ZDHHC14: variants seen among roughly 807,000 people sequenced by gnomAD.
ZDHHC14 encodes the protein palmitoyltransferase ZDHHC14.
Under a neutral mutation model 47.7 loss-of-function variants are expected in ZDHHC14, and 16 were observed. That is an observed-to-expected ratio of 0.34 (90% CI 0.23 to 0.51). ZDHHC14 has a LOEUF of 0.51. Ranked by LOEUF, ZDHHC14 falls within the 20% of genes least tolerant of loss-of-function variation. The pLI is 0.97. For synonymous variants in ZDHHC14, 293 were observed against 278.9 expected (o/e 1.05, Z -0.50); for missense variants, 515 against 662.5 (o/e 0.78, Z 2.44).
intron 1 of ZDHHC14, among the ~76,000 whole-genome samples, chr6:157,498,212 G>A (rs936022876): frequency 2.0e-5 from 3 of 151,918 alleles, no homozygotes; most frequent in South Asian, 2.1e-4. Flanking sequence ...TTAGGTGGGC[G>A]GATCTCTTAA....
intron 1 of ZDHHC14, among the ~76,000 whole-genome samples, chr6:157,412,331 C>T (rs1229986115): frequency 5.3e-5 from 8 of 151,762 alleles, no homozygotes; most frequent in Non-Finnish European, 1.0e-4. Flanking sequence ...CTCGCTGTGT[C>T]GCCCAGGCTG....
intron 3 of ZDHHC14, among the ~76,000 whole-genome samples, chr6:157,608,620 T>G (rs1321322781): frequency 6.6e-6 from 1 of 152,092 alleles, no homozygotes; most frequent in East Asian, 1.9e-4. Context: ...GTGGCTGACG[T>G]GGAGACTCAG....
intron 5 of ZDHHC14, among the ~76,000 whole-genome samples, chr6:157,639,366 G>A (rs1012397901): frequency 1.3e-5 from 2 of 152,152 alleles, no homozygotes; most frequent in South Asian, 2.1e-4. Flanking sequence ...ATGCAGTGGC[G>A]AGACCTCGGC....
intron 2 of ZDHHC14, among the ~76,000 whole-genome samples, chr6:157,570,617 A>G: frequency 6.6e-6 from 1 of 152,204 alleles, no homozygotes; most frequent in South Asian, 2.1e-4. Context: ...TGGAAAATAT[A>G]AGGTAGTCAT....
chr6:157,503,428 A>G (rs1015424507), intron 1 of ZDHHC14, among the ~76,000 whole-genome samples: 5 of 152,150 alleles, frequency 3.3e-5, no homozygotes, highest in Non-Finnish European at 5.9e-5. Flanking sequence ...CTTTCAAGAG[A>G]TGTGGGATTC....
chr6:157,661,972 A>C (rs1039652820), intron 8 of ZDHHC14, among the ~76,000 whole-genome samples: 1 of 151,920 alleles, frequency 6.6e-6, no homozygotes, highest in South Asian at 2.1e-4. Context: ...GCAGGCATGC[A>C]CCACCATGCC....
In ZDHHC14 at chr6:157,647,424, G is replaced by A. The variant is rs560885199; in HGVS notation, c.965+56G>A. On this transcript the variant is annotated intron_variant, in intron 7 of 8. Transcript: ENST00000359775. ...CAGACCTTGGAAAACCGAATGCCTC[G>A]GCCGTTAGCACAGGCCGCCCGCCCT... 52 of 1,440,364 alleles carry A rather than the reference G, an allele frequency of 3.6e-5. 1 individual carries two copies. Among genetic ancestry groups the A allele is most frequent in the South Asian group, 3.1e-4 (25 of 80,722 alleles). 89.2% of individuals were successfully genotyped at this position (1,440,364 alleles called of 1,614,324 possible).
rs186284790 is a variant in ZDHHC14 at position 157,483,485 on chromosome 6, T to G, written c.246-59100T>G. Among the ~76,000 whole-genome samples, 9 of 152,346 alleles carry G rather than the reference T, an allele frequency of 5.9e-5. No individual in the cohort carries two copies. In the East Asian group the frequency reaches 1.7e-3, roughly 29 times the overall value. On this transcript the variant is annotated intron_variant, in intron 1 of 8. Transcript: ENST00000359775. ...TGTTTTTCCCCCTGAACTGGTGATG[T>G]GCTTTCTTTTACATAAAATCACAGT...
At chr6:157,607,639 T>C (rs1235588260) in intron 3 of ZDHHC14, among the ~76,000 whole-genome samples, 1 of 152,222 alleles carries the variant, frequency 6.6e-6, no homozygotes, top group Admixed American at 6.5e-5. Context: ...AGGTGCCCTC[T>C]GCCCTTTCGT....
chr6:157,501,853 T>C (rs1297699968), intron 1 of ZDHHC14, among the ~76,000 whole-genome samples: 1 of 152,206 alleles, frequency 6.6e-6, no homozygotes, highest in Non-Finnish European at 1.5e-5. Flanking sequence ...TATAATTTAA[T>C]TGAATGATGC....
intron 1 of ZDHHC14, among the ~76,000 whole-genome samples, chr6:157,464,201 C>T (rs1476218727): frequency 2.0e-5 from 3 of 152,126 alleles, no homozygotes; most frequent in African/African-American, 4.8e-5. Flanking sequence ...TCTGAAGTTT[C>T]TAGAGGTTGG....
intron 7 of ZDHHC14, among the ~76,000 whole-genome samples, chr6:157,649,076 T>C (rs1390389929): frequency 6.6e-6 from 1 of 152,202 alleles, no homozygotes; most frequent in Non-Finnish European, 1.5e-5. Context: ...TTTGGCTGGA[T>C]TGGGGCTGTA....
At chr6:157,638,530 A>G (rs2114969327) in intron 5 of ZDHHC14, among the ~76,000 whole-genome samples, 1 of 151,958 alleles carries the variant, frequency 6.6e-6, no homozygotes, top group East Asian at 1.9e-4. Flanking sequence ...CTCTGTCCAC[A>G]CAGCCAGGCA....
chr6:157,437,563 T>A (rs893275930), intron 1 of ZDHHC14, among the ~76,000 whole-genome samples: 2 of 152,192 alleles, frequency 1.3e-5, no homozygotes, highest in Non-Finnish European at 2.9e-5. Flanking sequence ...TTGGATCAAT[T>A]CACTGGGCTC....
intron 1 of ZDHHC14, among the ~76,000 whole-genome samples, chr6:157,396,517 C>A (rs1777525336): frequency 6.6e-6 from 1 of 152,168 alleles, no homozygotes; most frequent in Non-Finnish European, 1.5e-5. Context: ...AAGAAGAATT[C>A]TTGACTTAAA....
At chr6:157,421,492 C>CAAAAAA (rs147380621) in intron 1 of ZDHHC14, among the ~76,000 whole-genome samples, 55 of 56,630 alleles carry the variant, frequency 9.7e-4, no homozygotes, top group Non-Finnish European at 1.1e-3. Flanking sequence ...GACTCCGTCT[C>CAAAAAA]AAAAAAAAAA....
intron 3 of ZDHHC14, among the ~76,000 whole-genome samples, chr6:157,612,252 C>T (rs1473025414): frequency 6.6e-6 from 1 of 152,226 alleles, no homozygotes; most frequent in Non-Finnish European, 1.5e-5. Context: ...CTCACTTTAA[C>T]TGTGCAAAGG....
At chr6:157,627,656 G>A (rs1271172888) in intron 3 of ZDHHC14, among the ~76,000 whole-genome samples, 1 of 152,200 alleles carries the variant, frequency 6.6e-6, no homozygotes, top group African/African-American at 2.4e-5. Context: ...GTAAGAAGAT[G>A]GGAGCAGCTC....
In ZDHHC14 at chr6:157,645,937, A is replaced by C. The variant is rs1158407121; in HGVS notation, c.855+98A>C. On this transcript the variant is annotated intron_variant, in intron 6 of 8. Transcript: ENST00000359775. ...AGGTTGAGCCCAGCTTTTCCCATAC[A>C]TCCCGTTCCAGATGTGAGCCCTTGG... 11 of 1,036,402 alleles carry C rather than the reference A, an allele frequency of 1.1e-5. No individual in the cohort carries two copies. In the Middle Eastern group the frequency reaches 2.2e-3, roughly 205 times the overall value. The allele number at this position is 1,036,402 out of a possible 1,614,324, so 64.2% of individuals were successfully genotyped here.
Sources: gnomAD v4.1 joint callset for allele counts (sites outside exome capture counted in the v4.1 genomes callset) on GRCh38, gnomAD v4.1.1 for gene constraint, MANE v1.5 for transcripts, NCBI Gene and HGNC (gene_info 2026-07-23, HGNC 2026-07-21) for gene names.